SNX29: variants seen among roughly 807,000 people sequenced by gnomAD.
The protein encoded by SNX29 is sorting nexin-29.
SNX29 carries 78 observed loss-of-function variants against 102.1 expected under a neutral mutation model. The observed-to-expected ratio is 0.76, with a 90% CI of 0.64 to 0.92. The LOEUF is 0.92. Ranked by LOEUF, SNX29 falls within the 40% of genes least tolerant of loss-of-function variation. The pLI, the probability that SNX29 is intolerant of heterozygous loss-of-function variation, is 0.00. For synonymous variants in SNX29, 580 were observed against 414.5 expected (o/e 1.40, Z -4.85); for missense variants, 1,280 against 1,061.7 (o/e 1.21, Z -2.86).
chr16:11,983,176 C>G (rs2055464129), intron 1 of SNX29, among the ~76,000 whole-genome samples: 1 of 151,744 alleles, frequency 6.6e-6, no homozygotes, highest in Admixed American at 6.6e-5. Context: ...GGTGATCCAC[C>G]TGCCTTGGCC....
intron 13 of SNX29, among the ~76,000 whole-genome samples, chr16:12,181,336 T>C (rs2076379616): frequency 6.6e-6 from 1 of 152,198 alleles, no homozygotes; most frequent in Non-Finnish European, 1.5e-5. Context: ...ACATGAGGCA[T>C]CAATCAACAT....
chr16:12,153,500 C>T (rs1388689765), intron 13 of SNX29, among the ~76,000 whole-genome samples: 1 of 151,438 alleles, frequency 6.6e-6, no homozygotes, highest in African/African-American at 2.4e-5. Context: ...AAAACCAAAC[C>T]TCTGGCTCTG....
chr16:12,142,519 A>T (rs535023778), intron 13 of SNX29, among the ~76,000 whole-genome samples: 2 of 152,280 alleles, frequency 1.3e-5, no homozygotes, highest in South Asian at 4.2e-4. Flanking sequence ...CTGCAGTTTG[A>T]TGCTACTGAT....
At chr16:12,564,026 G>C (rs1030600180) in intron 20 of SNX29, among the ~76,000 whole-genome samples, 1 of 151,452 alleles carries the variant, frequency 6.6e-6, no homozygotes, top group Non-Finnish European at 1.5e-5. Flanking sequence ...AGGGAGTTGA[G>C]GAGTTGCACC....
At chr16:12,255,199 T>C (rs1056363507) in intron 14 of SNX29, among the ~76,000 whole-genome samples, 11 of 152,138 alleles carry the variant, frequency 7.2e-5, no homozygotes, top group African/African-American at 2.2e-4. Context: ...CAATCCTGTA[T>C]TTTTTTATTT....
chr16:12,563,205 G>T (rs913263528), intron 20 of SNX29, among the ~76,000 whole-genome samples: 1 of 41,138 alleles, frequency 2.4e-5, no homozygotes, highest in East Asian at 4.8e-4. Context: ...AACATGCTGG[G>T]ATTGAGGCTC....
chr16:12,551,418 C>G (rs568916166), intron 20 of SNX29, among the ~76,000 whole-genome samples: 1 of 152,308 alleles, frequency 6.6e-6, no homozygotes, highest in South Asian at 2.1e-4. Context: ...GTCTCAGCCA[C>G]AGCTTGCACA....
chr16:12,151,559 G>A (rs1323456905), intron 13 of SNX29, among the ~76,000 whole-genome samples: 1 of 152,176 alleles, frequency 6.6e-6, no homozygotes, highest in African/African-American at 2.4e-5. Context: ...CATCTTCACT[G>A]TTTGTTCTGC....
chr16:12,555,988 GTT>G (rs577174159), intron 20 of SNX29, among the ~76,000 whole-genome samples: 12 of 151,954 alleles, frequency 7.9e-5, no homozygotes, highest in Middle Eastern at 3.4e-3. Flanking sequence ...ATTTTCAAGT[GTT>G]TTTTTTGTTC....
intron 18 of SNX29, among the ~76,000 whole-genome samples, chr16:12,457,458 G>T (rs940773988): frequency 1.3e-5 from 2 of 152,196 alleles, no homozygotes; most frequent in African/African-American, 4.8e-5. Context: ...AGATACGGCA[G>T]GTCTCAAGAA....
intron 4 of SNX29, 145 bp downstream of exon 4, chr16:12,027,589 A>T (rs2057229680): frequency 1.1e-6 from 1 of 924,190 alleles, no homozygotes; most frequent in African/African-American, 1.7e-5. Flanking sequence ...ATGTCTTAAT[A>T]GTAGTCAAAA....
chr16:12,392,678 T>A (rs1170214957), intron 16 of SNX29, among the ~76,000 whole-genome samples: 1 of 152,220 alleles, frequency 6.6e-6, no homozygotes, highest in African/African-American at 2.4e-5. Flanking sequence ...AAAATAAAAA[T>A]TCTTTAAAGC....
chr16:12,483,129 T>TTTTTTTG (rs2088043644), intron 19 of SNX29, among the ~76,000 whole-genome samples: 5 of 134,180 alleles, frequency 3.7e-5, no homozygotes, highest in Non-Finnish European at 6.4e-5. Flanking sequence ...TTTTTTTTTT[T>TTTTTTTG]TTTTTTTTTT....
chr16:12,504,085 A>G (rs2089255485), intron 19 of SNX29, among the ~76,000 whole-genome samples: 1 of 152,122 alleles, frequency 6.6e-6, no homozygotes, highest in Admixed American at 6.5e-5. Flanking sequence ...GCCCCTAGCA[A>G]CCACTCATCT....
intron 14 of SNX29, among the ~76,000 whole-genome samples, chr16:12,211,577 T>C (rs1194655059): frequency 6.6e-6 from 1 of 151,958 alleles, no homozygotes; most frequent in Non-Finnish European, 1.5e-5. Flanking sequence ...TGTGTGTCTG[T>C]GTGTGTAGAC....
chr16:12,052,568 G>T, intron 8 of SNX29: 1 of 291,474 alleles, frequency 3.4e-6, no homozygotes, highest in East Asian at 8.7e-5. Flanking sequence ...CTCTTTCTAT[G>T]GTATTGGGTA....
At chr16:11,984,634 C>G (rs374126726) in intron 1 of SNX29, among the ~76,000 whole-genome samples, 3 of 151,926 alleles carry the variant, frequency 2.0e-5, no homozygotes, top group South Asian at 2.1e-4. Context: ...CTCTCTCCCT[C>G]TCTCTCTCCC....
intron 9 of SNX29, among the ~76,000 whole-genome samples, chr16:12,067,908 A>G (rs1285815263): frequency 6.6e-6 from 1 of 152,208 alleles, no homozygotes; most frequent in Non-Finnish European, 1.5e-5. Flanking sequence ...ATTTATGAAA[A>G]TTGTTCAGGT....
At chr16:12,395,904 A>G (rs2151484848) in intron 16 of SNX29, among the ~76,000 whole-genome samples, 1 of 152,362 alleles carries the variant, frequency 6.6e-6, no homozygotes, top group Non-Finnish European at 1.5e-5. Flanking sequence ...ATGTTGAGTA[A>G]GCTCGGCCTT....
Sources: allele counts gnomAD v4.1 joint callset (sites outside exome capture counted in the v4.1 genomes callset), GRCh38; gene constraint gnomAD v4.1.1; transcripts MANE v1.5; gene names NCBI Gene and HGNC (gene_info 2026-07-23, HGNC 2026-07-21).